Variants in PRKDC observed in about 807,000 individuals in gnomAD.
PRKDC encodes the protein DNA-dependent protein kinase catalytic subunit.
In PRKDC, 82 loss-of-function variants were observed where a neutral mutation model predicts 486.9. The ratio of observed to expected loss-of-function variants is 0.17; its 90% CI spans 0.14 to 0.20. PRKDC has a LOEUF of 0.20. Among genes scored for constraint, PRKDC ranks in the 10% least tolerant of loss-of-function variants. The probability of loss-of-function intolerance (pLI) is 1.00; values close to 1 mark genes in which losing one functional copy is unlikely to be tolerated. For missense variants in PRKDC, 4,504 were observed against 5,038.2 expected, an observed-to-expected ratio of 0.89 and a Z score of 3.21; for synonymous variants, 1,895 against 1,837.0, an observed-to-expected ratio of 1.03 and a Z score of -0.81.
chr8:47,848,747 CTCTTT>C (rs1242448830), intron 54 of PRKDC, among the ~76,000 whole-genome samples: 4 of 151,638 alleles, frequency 2.6e-5, no homozygotes, highest in African/African-American at 9.7e-5. Context: ...CAGCAGCTTT[CTCTTT>C]TAACATATAC....
intron 23 of PRKDC, among the ~76,000 whole-genome samples, chr8:47,915,067 A>G (rs1454470910): frequency 6.6e-6 from 1 of 152,246 alleles, no homozygotes; most frequent in Admixed American, 6.5e-5. Context: ...AATATGGAAA[A>G]GAGTATCAAA....
chr8:47,859,853 C>T lies in PRKDC; in HGVS notation c.6059-94G>A, dbSNP rs7839407. 130,121 of 1,255,754 alleles carry T rather than the reference C, an allele frequency of 0.1. 16,734 individuals are homozygous for T. Among genetic ancestry groups the T allele is most frequent in the African/African-American group, 0.57 (37,404 of 65,900 alleles). The allele number at this position is 1,255,754 out of a possible 1,614,324, so 77.8% of individuals were successfully genotyped here. A position where few individuals can be genotyped will look rare whatever the true frequency, so the allele number is the denominator to read the frequency against. ...TTCAAATGATATGAAAATTAAAGCA[C>T]ATTTTAATCTAAGGTTTTCATCAAG... On this transcript the variant is annotated intron_variant, in intron 45 of 85. Coordinates refer to ENST00000314191, the MANE Select transcript of PRKDC (RefSeq NM_006904.7).
chr8:47,909,691 G>A (rs2089860436), intron 25 of PRKDC, among the ~76,000 whole-genome samples: 1 of 152,186 alleles, frequency 6.6e-6, no homozygotes, highest in Non-Finnish European at 1.5e-5. Context: ...AGCAAGGAAT[G>A]ACCCTGGGGA....
Position 47,779,006 on chromosome 8 carries a change from A to G in PRKDC, c.11577T>C (p.Tyr3859=). The G allele has an allele frequency of 6.3e-7, 1 of 1,583,812 alleles. No individual in the cohort carries two copies. The highest frequency in any genetic ancestry group is 1.3e-5 in the African/African-American group (1 of 74,276). ...AGAAAAATCAAAACCAAACTTACTT[A>G]TACATTAGCATGTAAGCTCCAACAT... ...KHDVGAYMLM[Y]KGANRTETVT... The change falls in exon 81 of 86, where the codon TAT becomes TAC. Residue 3859 remains tyrosine (Y), a splice_region_variant and synonymous_variant. Coordinates refer to ENST00000314191, the MANE Select transcript of PRKDC (RefSeq NM_006904.7).
chr8:47,807,222 T>C lies in PRKDC; in HGVS notation c.9662A>G (p.Gln3221Arg). ...GGAGCTGATATCTTCTTCCTGCTCTTGCACTTCCATCCTGTCACTGGGGTC... is the reference window on the plus strand; with the variant it reads ...GGAGCTGATATCTTCTTCCTGCTCTCGCACTTCCATCCTGTCACTGGGGTC... ...DGDPSDRMEV[Q>R]EQEEDISSLI... Residue 3221 changes from glutamine (Q) to arginine (R), a missense_variant, in exon 69 of 86, where the codon CAA (glutamine) becomes CGA (arginine). Physicochemically the swap from Gln to Arg is conservative, Grantham distance 43 (BLOSUM62 1). This residue lies in a region of PRKDC where 1,592 missense variants were observed against 1,724.6 expected (regional missense o/e 0.92). Coordinates refer to ENST00000314191, the MANE Select transcript of PRKDC (RefSeq NM_006904.7). The C allele has an allele frequency of 6.2e-7, 1 of 1,613,968 alleles. No individual in the cohort carries two copies. The highest frequency in any genetic ancestry group is 8.5e-7 in the Non-Finnish European group (1 of 1,179,868).
At chr8:47,790,653 C>T (rs2086867128) in intron 74 of PRKDC, among the ~76,000 whole-genome samples, 1 of 152,196 alleles carries the variant, frequency 6.6e-6, no homozygotes, top group African/African-American at 2.4e-5. Context: ...CATTATCTAA[C>T]TTCAAATTAT....
chr8:47,888,930 C>G lies in PRKDC; in HGVS notation c.4280+84G>C, dbSNP rs2089394527. ...CTGATATAAGCCTTCCCTGAGGAAGCAGGAGCAGCTGCAGGAGCACGGCAA... is the reference window on the plus strand; with the variant it reads ...CTGATATAAGCCTTCCCTGAGGAAGGAGGAGCAGCTGCAGGAGCACGGCAA... On this transcript the variant is annotated intron_variant, in intron 33 of 85. Coordinates refer to ENST00000314191, the MANE Select transcript of PRKDC (RefSeq NM_006904.7). 1.1e-5 allele frequency: 15 copies of G among 1,368,366 alleles called. No homozygotes were observed. In the South Asian group the frequency reaches 1.8e-4, roughly 16 times the overall value. The allele number at this position is 1,368,366 out of a possible 1,614,324, so 84.8% of individuals were successfully genotyped here.
In PRKDC at chr8:47,942,753, CCACATACG is replaced by C. The variant is rs561802213; in HGVS notation, c.966+448_966+455del. On this transcript the variant is annotated intron_variant, in intron 10 of 85. Transcript: ENST00000314191. ...TCTCCTCAGCCGACCAGACAAGCTT[CCACATACG>C]CAGGTACAGATTCTGTAACCACCTC... 7.9e-5 allele frequency among the ~76,000 whole-genome samples: 12 copies of C among 152,354 alleles called. No homozygotes were observed. The South Asian group carries it at 2.5e-3, about 32-fold the overall frequency.
intron 65 of PRKDC, among the ~76,000 whole-genome samples, chr8:47,821,227 C>G (rs2087587264): frequency 6.6e-6 from 1 of 152,180 alleles, no homozygotes; most frequent in African/African-American, 2.4e-5. Context: ...GAGGAATTTA[C>G]AAGCACAGTC....
intron 25 of PRKDC, among the ~76,000 whole-genome samples, chr8:47,906,354 A>T (rs1342252018): frequency 6.6e-6 from 1 of 152,024 alleles, no homozygotes; most frequent in Non-Finnish European, 1.5e-5. Flanking sequence ...CTAAAAAAAA[A>T]ATTAAAATGG....
rs34598508 is a variant in PRKDC at position 47,897,191 on chromosome 8, G to C, written c.3568C>G (p.Leu1190Val). 2.4e-5 allele frequency: 39 copies of C among 1,604,392 alleles called. No homozygotes were observed. Among genetic ancestry groups the C allele is most frequent in the Non-Finnish European group, 2.9e-5 (34 of 1,172,290 alleles). ...QTECRHKSIELFYKFVPLLPG... is the reference protein window; with the variant it reads ...QTECRHKSIEVFYKFVPLLPG... ...AATAAAGGAACGAATTTATAAAAGA[G>C]TTCAATGGATTTGTGTCGACATTCT... is the stretch of plus-strand genomic sequence containing the variant. Residue 1190 changes from leucine (L) to valine (V), a missense_variant, in exon 30 of 86, where the codon CTC (leucine) becomes GTC (valine). By Grantham distance (32) the Leu-to-Val change is conservative. Coordinates refer to ENST00000314191, the MANE Select transcript of PRKDC (RefSeq NM_006904.7).
chr8:47,954,289 A>G, intron 5 of PRKDC, 49 bp downstream of exon 5: 1 of 778,092 alleles, frequency 1.3e-6, no homozygotes, highest in East Asian at 3.1e-5. Context: ...ATAATTTGTT[A>G]ATATTAATTT....
In PRKDC at chr8:47,803,371, C is replaced by T; in HGVS notation, c.9857G>A (p.Cys3286Tyr). 3.1e-6 allele frequency: 5 copies of T among 1,614,014 alleles called. No individual in the cohort carries two copies. The highest frequency in any genetic ancestry group is 4.2e-6 in the Non-Finnish European group (5 of 1,179,904). Reference sequence around the variant, plus strand: ...AGAGCAGCCCTGGGACCGGCTCCGGCAGTGGCTCAGGCGGCAGTAGCTCTG... The same window carrying T: ...AGAGCAGCCCTGGGACCGGCTCCGGTAGTGGCTCAGGCGGCAGTAGCTCTG... ...WVQSYCRLSH[C>Y]RSRSQGCSEQ... The change falls in exon 70 of 86, where the codon TGC becomes TAC. Residue 3286 changes from cysteine (C) to tyrosine (Y), a missense_variant. Cys to Tyr is a radical substitution (Grantham distance 194, BLOSUM62 -2). This residue lies in a region of PRKDC where 1,592 missense variants were observed against 1,724.6 expected (regional missense o/e 0.92). Transcript: ENST00000314191.
Position 47,915,325 on chromosome 8 carries a change from T to C in PRKDC, c.2617+3A>G. 1.3e-6 allele frequency: 2 copies of C among 1,498,958 alleles called. No individual in the cohort carries two copies. 92.9% of individuals were successfully genotyped at this position (1,498,958 alleles called of 1,614,324 possible). On this transcript the variant is annotated splice_donor_region_variant and intron_variant, in intron 23 of 85. Transcript: ENST00000314191. ...GAGGTTATTTATTTTAAAAGAAGTTTACCTGTCAGAAGATTTTTGTTTATT... is the reference window on the plus strand; with the variant it reads ...GAGGTTATTTATTTTAAAAGAAGTTCACCTGTCAGAAGATTTTTGTTTATT...
In PRKDC at chr8:47,774,113, C is replaced by A. The variant is rs1345151096; in HGVS notation, c.*60G>T. 4.1e-6 allele frequency: 6 copies of A among 1,468,138 alleles called. No homozygotes were observed. The African/African-American group carries it at 5.7e-5, about 14-fold the overall frequency. The allele number at this position is 1,468,138 out of a possible 1,614,324, so 90.9% of individuals were successfully genotyped here. A position where few individuals can be genotyped will look rare whatever the true frequency, so the allele number is the denominator to read the frequency against. On this transcript the variant is annotated 3_prime_UTR_variant, in exon 86 of 86. Transcript: ENST00000314191. ...AATCAGCTCATGGAATGCTGCCAAC[C>A]AAAGTATAGTAGATTCTTTAAACAA...
chr8:47,775,587 GT>G (rs971245212), intron 85 of PRKDC, among the ~76,000 whole-genome samples: 11 of 151,532 alleles, frequency 7.3e-5, no homozygotes, highest in Non-Finnish European at 1.6e-4. Flanking sequence ...GGCAATAAGA[GT>G]TTTTTTAATG....
chr8:47,863,359 TGATA>T (rs1170276935), intron 42 of PRKDC, 36 bp downstream of exon 42: 1 of 1,481,006 alleles, frequency 6.8e-7, no homozygotes, highest in Non-Finnish European at 9.3e-7. Flanking sequence ...CCCAAAGCAT[TGATA>T]AATAAAATAG....
In PRKDC at chr8:47,862,028, A is replaced by T. The variant is rs368056821; in HGVS notation, c.5985+34T>A. ...ATATGGTTTTCTTTGTGAGCACTTG[A>T]TAAGTTTTTTTTAACATTGAAAATT... On this transcript the variant is annotated intron_variant, in intron 44 of 85. Coordinates refer to ENST00000314191, the MANE Select transcript of PRKDC (RefSeq NM_006904.7). 7 of 1,499,014 alleles carry T rather than the reference A, an allele frequency of 4.7e-6. No homozygotes were observed. In the South Asian group the frequency reaches 8.7e-5, roughly 19 times the overall value. The allele number at this position is 1,499,014 out of a possible 1,614,324, so 92.9% of individuals were successfully genotyped here.
At chr8:47,797,013 ATTTTCCTCTGATAC>A (rs2086998285) in intron 73 of PRKDC, among the ~76,000 whole-genome samples, 1 of 151,996 alleles carries the variant, frequency 6.6e-6, no homozygotes, top group Admixed American at 6.6e-5. Flanking sequence ...ATGTGTTCAC[ATTTTCCTCTGATAC>A]TTTTAAGGTG....
Sources: allele counts gnomAD v4.1 joint callset (sites outside exome capture counted in the v4.1 genomes callset), GRCh38; gene constraint gnomAD v4.1.1; regional missense constraint gnomAD v4.1.1; transcripts MANE v1.5; gene names NCBI Gene and HGNC (gene_info 2026-07-23, HGNC 2026-07-21).